Variants in PPFIA2 observed in about 807,000 individuals in gnomAD.
The protein encoded by PPFIA2 is PPFI scaffold protein A2, also known as liprin-alpha-2.
A neutral mutation model predicts 175.5 loss-of-function variants in PPFIA2; 46 were observed. That is an observed-to-expected ratio of 0.26 (90% confidence interval 0.21 to 0.34). The LOEUF is 0.34. Ranked by LOEUF, PPFIA2 falls within the 10% of genes least tolerant of loss-of-function variation. The pLI is 1.00. For missense variants in PPFIA2, 1,179 were observed against 1,506.1 expected, an observed-to-expected ratio of 0.78 and a Z score of 3.60; for synonymous variants, 568 against 511.4, an observed-to-expected ratio of 1.11 and a Z score of -1.49.
intron 7 of PPFIA2, among the ~76,000 whole-genome samples, chr12:81,406,594 T>C (rs1365917993): frequency 6.6e-6 from 1 of 152,108 alleles, no homozygotes; most frequent in African/African-American, 2.4e-5. Context: ...ACTTATAGCA[T>C]AAGTGATCCT....
chr12:81,427,906 A>G (rs1305059833), intron 7 of PPFIA2, among the ~76,000 whole-genome samples: 3 of 151,990 alleles, frequency 2.0e-5, no homozygotes, highest in Non-Finnish European at 2.9e-5. Context: ...AGTTGAATTA[A>G]TTGCCAGGTG....
rs931930013 is a variant in PPFIA2, at chr12:81,698,647, C to A, written c.250-21803G>T. 4.9e-4 allele frequency among the ~76,000 whole-genome samples: 75 copies of A among 152,102 alleles called. 1 individual carries two copies. Among genetic ancestry groups the A allele is most frequent in the Non-Finnish European group, 1.0e-4 (7 of 67,984 alleles). ...TTTTGTTTATCATTTGAAGTAAACC[C>A]TTTGTTGCAAATGAGTTTGCATATA... On this transcript the variant is annotated intron_variant, in intron 3 of 32. Transcript: ENST00000549396.
At chr12:81,487,845 A>G (rs1029303869) in intron 4 of PPFIA2, among the ~76,000 whole-genome samples, 2 of 151,930 alleles carry the variant, frequency 1.3e-5, no homozygotes, top group African/African-American at 4.8e-5. Flanking sequence ...ATTAATATAA[A>G]TGACCATAGA....
At chr12:81,331,034 C>T (rs2056015771) in intron 21 of PPFIA2, among the ~76,000 whole-genome samples, 1 of 152,134 alleles carries the variant, frequency 6.6e-6, no homozygotes. Flanking sequence ...CTATTGGTTC[C>T]TTAGCACCAA....
At chr12:81,428,803 T>C (rs578063199) in intron 7 of PPFIA2, among the ~76,000 whole-genome samples, 1 of 152,142 alleles carries the variant, frequency 6.6e-6, no homozygotes, top group Admixed American at 6.5e-5. Context: ...AATAATACGT[T>C]CCCAATAAGT....
chr12:81,542,419 G>T (rs538750612), intron 4 of PPFIA2, among the ~76,000 whole-genome samples: 2 of 152,102 alleles, frequency 1.3e-5, no homozygotes, highest in Non-Finnish European at 2.9e-5. Flanking sequence ...TGATTTTGTG[G>T]TAATTTGTTA....
chr12:81,271,308 T>C (rs939455861), intron 28 of PPFIA2, among the ~76,000 whole-genome samples: 20 of 152,232 alleles, frequency 1.3e-4, no homozygotes, highest in Non-Finnish European at 4.4e-5. Context: ...CTCACTCTTG[T>C]TGCCCAGGCT....
chr12:81,277,496 C>T, intron 27 of PPFIA2, 82 bp from the exon 28 acceptor site: 1 of 1,303,702 alleles, frequency 7.7e-7, no homozygotes. Flanking sequence ...CCATAGTCAA[C>T]ACTATGCACT....
chr12:81,392,537 C>T (rs1476284055), intron 8 of PPFIA2, among the ~76,000 whole-genome samples: 1 of 151,860 alleles, frequency 6.6e-6, no homozygotes, highest in African/African-American at 2.4e-5. Flanking sequence ...GTAGAACTCT[C>T]TTCAATTGTT....
At chr12:81,367,221 T>G in intron 13 of PPFIA2, 51 bp from the exon 14 acceptor site, 1 of 1,136,830 alleles carries the variant, frequency 8.8e-7, no homozygotes. Flanking sequence ...CATAAAATAC[T>G]TAAAAATATA....
At position 81,736,261 on chromosome 12, in the gene PPFIA2, C is replaced by T. The variant is rs377266434; in HGVS notation, c.249+17712G>A. ...TAAAGTCTTCACTATACAAGCCTTG[C>T]ATGTATTTTGTTTAATTTACTCTTA... On this transcript the variant is annotated intron_variant, in intron 3 of 32. Transcript: ENST00000549396. 8.1e-4 allele frequency among the ~76,000 whole-genome samples: 123 copies of T among 152,044 alleles called. 1 individual carries two copies. The highest frequency in any genetic ancestry group is 2.8e-3 in the African/African-American group (118 of 41,518).
In PPFIA2 at chr12:81,405,966, G is replaced by T; in HGVS notation, c.646-63C>A. 9.9e-6 allele frequency: 9 copies of T among 907,150 alleles called. No individual in the cohort carries two copies. The South Asian group carries it at 1.4e-4, about 14-fold the overall frequency. 56.2% of individuals were successfully genotyped at this position (907,150 alleles called of 1,614,324 possible). ...AGGGAATAAAATATAAAAAGAAAAT[G>T]AATTTACTTCAATGTGGTTAAGAAC... is the stretch of plus-strand genomic sequence containing the variant. On this transcript the variant is annotated intron_variant, in intron 7 of 32. Coordinates refer to ENST00000549396, the MANE Select transcript of PPFIA2 (RefSeq NM_003625.5).
chr12:81,553,378 T>C (rs1281923828), intron 4 of PPFIA2, among the ~76,000 whole-genome samples: 2 of 152,096 alleles, frequency 1.3e-5, no homozygotes, highest in South Asian at 2.1e-4. Context: ...AAATATCCTA[T>C]CTTTGCATAC....
At chr12:81,616,260 C>A (rs866278867) in intron 4 of PPFIA2, among the ~76,000 whole-genome samples, 1 of 151,992 alleles carries the variant, frequency 6.6e-6, no homozygotes, top group Non-Finnish European at 1.5e-5. Flanking sequence ...TCTAGTAGAA[C>A]GTTATCCACA....
intron 4 of PPFIA2, among the ~76,000 whole-genome samples, chr12:81,630,117 A>G (rs751019681): frequency 1.2e-4 from 19 of 152,162 alleles, no homozygotes; most frequent in Non-Finnish European, 2.2e-4. Flanking sequence ...AAAGGCAAAC[A>G]AGTAGATTCT....
At chr12:81,443,640 T>C (rs2050641850) in intron 6 of PPFIA2, among the ~76,000 whole-genome samples, 1 of 152,062 alleles carries the variant, frequency 6.6e-6, no homozygotes, top group African/African-American at 2.4e-5. Flanking sequence ...TCAAGTGATA[T>C]GGGAATGCTT....
At chr12:81,612,494 C>T (rs1178884799) in intron 4 of PPFIA2, among the ~76,000 whole-genome samples, 1 of 151,282 alleles carries the variant, frequency 6.6e-6, no homozygotes, top group Non-Finnish European at 1.5e-5. Flanking sequence ...TAGAGGATCC[C>T]AAGAAAAAGA....
chr12:81,698,509 T>C (rs1272123961), intron 3 of PPFIA2, among the ~76,000 whole-genome samples: 1 of 152,122 alleles, frequency 6.6e-6, no homozygotes, highest in East Asian at 1.9e-4. Context: ...TATTTATAAA[T>C]TAGCCTGTGT....
chr12:81,566,813 T>C (rs566697954), intron 4 of PPFIA2, among the ~76,000 whole-genome samples: 8 of 152,326 alleles, frequency 5.3e-5, no homozygotes, highest in East Asian at 1.9e-4. Context: ...CATGTGCAAC[T>C]GATGCCATTC....
Sources: allele counts gnomAD v4.1 joint callset (sites outside exome capture counted in the v4.1 genomes callset), GRCh38; gene constraint gnomAD v4.1.1; transcripts MANE v1.5; gene names NCBI Gene and HGNC (gene_info 2026-07-23, HGNC 2026-07-21).